The following PTMA variants were observed in gnomAD, a reference collection of about 807,000 sequenced individuals.
PTMA encodes the protein prothymosin alpha, also known as gene sequence 28.
In PTMA, 4 loss-of-function variants were observed where a neutral mutation model predicts 16.9. That is an observed-to-expected ratio of 0.24 (90% CI 0.12 to 0.54). The LOEUF (loss-of-function observed/expected upper bound fraction) is 0.54. Ranked by LOEUF, PTMA falls within the 20% of genes least tolerant of loss-of-function variation. PTMA has a pLI of 0.95. For synonymous variants in PTMA, 58 were observed against 47.9 expected (o/e 1.21, Z -0.87); for missense variants, 120 against 137.7 (o/e 0.87, Z 0.64).
chr2:231,709,097 C>T (rs557032613), intron 1 of PTMA, among the ~76,000 whole-genome samples: 25 of 152,236 alleles, frequency 1.6e-4, no homozygotes, highest in African/African-American at 4.1e-4. Flanking sequence ...GCCCGCCGGG[C>T]GCACGGAAAT....
intron 1 of PTMA, chr2:231,709,897 C>T (rs953021693): frequency 8.4e-6 from 3 of 357,750 alleles, no homozygotes; most frequent in Admixed American, 5.0e-5. Context: ...GGCGTCATCT[C>T]TGACTCTCCC....
At chr2:231,708,776 C>A (rs545054194) in intron 1 of PTMA, 25 bp downstream of exon 1, 1 of 1,598,758 alleles carries the variant, frequency 6.3e-7, no homozygotes, top group Non-Finnish European at 8.5e-7. Flanking sequence ...CGCCCGCCCC[C>A]TCGGGGTCCG....
intron 3 of PTMA, 119 bp downstream of exon 3, chr2:231,712,102 A>G (rs1220016922): frequency 3.3e-6 from 5 of 1,504,828 alleles, no homozygotes; most frequent in African/African-American, 1.4e-5. Flanking sequence ...GGGCCAGTGG[A>G]CCACATGGCC....
intron 1 of PTMA, 34 bp downstream of exon 1, chr2:231,708,785 C>T (rs2048473654): frequency 6.3e-7 from 1 of 1,594,728 alleles, no homozygotes; most frequent in Non-Finnish European, 8.5e-7. Flanking sequence ...CCTCGGGGTC[C>T]GCGCGCCGCC....
chr2:231,711,919 C>G lies in PTMA; in HGVS notation c.147C>G (p.Asp49Glu). The part of the protein sequence containing the change: ...ANEENGEQEA[D>E]NEVDEEEEEG... Reference sequence around the variant, plus strand: ...AGGAAAATGGGGAGCAGGAGGCTGACAATGAGGTAGACGAAGAAGAGGAAG... The same window carrying G: ...AGGAAAATGGGGAGCAGGAGGCTGAGAATGAGGTAGACGAAGAAGAGGAAG... The change falls in exon 3 of 5, where the codon GAC becomes GAG. Residue 49 changes from aspartate (D) to glutamate (E), a missense_variant. Asp to Glu is a conservative substitution (Grantham distance 45). Coordinates refer to ENST00000409115, the MANE Select transcript of PTMA (RefSeq NM_002823.5). The G allele has an allele frequency of 6.2e-7, 1 of 1,608,980 alleles. No individual in the cohort carries two copies. The highest frequency in any genetic ancestry group is 8.5e-7 in the Non-Finnish European group (1 of 1,177,618).
Position 231,712,870 on chromosome 2 carries a change from T to C in PTMA, c.*19T>C, listed in dbSNP as rs1208370468. 1.3e-6 allele frequency: 2 copies of C among 1,546,844 alleles called. No homozygotes were observed. Among genetic ancestry groups the C allele is most frequent in the Non-Finnish European group, 1.7e-6 (2 of 1,148,922 alleles). ...TGACTAGACAGCAAAAAAGGAAAAG[T>C]TAAACTAAAAAAAAAAAGGCCGCCG... On this transcript the variant is annotated 3_prime_UTR_variant, in exon 5 of 5. Coordinates refer to ENST00000409115, the MANE Select transcript of PTMA (RefSeq NM_002823.5).
At position 231,708,835 on chromosome 2, in the gene PTMA, A is replaced by G. The variant is rs964788065; in HGVS notation, c.45+84A>G. ...TGGCGCGCAGCAGCTGGACTGTCTC[A>G]AGCCCGCTGTTGCTCCCTCTCGCGG... On this transcript the variant is annotated intron_variant, in intron 1 of 4. Transcript: ENST00000409115. 45 of 1,486,662 alleles carry G rather than the reference A, an allele frequency of 3.0e-5. No homozygotes were observed. In the Middle Eastern group the frequency reaches 1.1e-3, roughly 38 times the overall value. 92.1% of individuals were successfully genotyped at this position (1,486,662 alleles called of 1,614,324 possible).
chr2:231,709,259 T>A (rs1430581016), intron 1 of PTMA, among the ~76,000 whole-genome samples: 1 of 152,020 alleles, frequency 6.6e-6, no homozygotes, highest in Non-Finnish European at 1.5e-5. Context: ...GCAGCGGACC[T>A]GAGGTGGTTT....
chr2:231,709,194 C>A (rs559418813), intron 1 of PTMA, among the ~76,000 whole-genome samples: 75 of 152,196 alleles, frequency 4.9e-4, no homozygotes, highest in African/African-American at 1.7e-3. Context: ...TGGCGGCGAG[C>A]GCCCGCCGGC....
intron 2 of PTMA, 84 bp downstream of exon 2, chr2:231,711,503 G>A (rs1398816143): frequency 2.4e-6 from 3 of 1,225,118 alleles, no homozygotes; most frequent in East Asian, 4.7e-5. Flanking sequence ...ACCTATATAT[G>A]TGTGTGTATG....
rs768608674 is a variant in PTMA, at chr2:231,712,839, C to T, written c.321C>T (p.Asp107=). The T allele has an allele frequency of 8.2e-6, 13 of 1,582,014 alleles. No individual in the cohort carries two copies. Among genetic ancestry groups the T allele is most frequent in the South Asian group, 8.1e-5 (7 of 86,490 alleles). ...DDVDTKKQKT[D]EDD The stretch of plus-strand genomic sequence containing the variant: ...TCGATACCAAGAAGCAGAAGACCGA[C>T]GAGGATGACTAGACAGCAAAAAAGG... The change falls in exon 5 of 5, where the codon GAC becomes GAT. Residue 107 remains aspartate, a synonymous_variant. Coordinates refer to ENST00000409115, the MANE Select transcript of PTMA (RefSeq NM_002823.5).
intron 1 of PTMA, chr2:231,709,725 G>C (rs1258437529): frequency 6.5e-6 from 1 of 153,410 alleles, no homozygotes; most frequent in Non-Finnish European, 1.5e-5. Context: ...CGCCGCCTCG[G>C]TCCCACTGCC....
intron 1 of PTMA, chr2:231,709,847 G>C (rs566473246): frequency 1.7e-5 from 4 of 231,888 alleles, no homozygotes; most frequent in Non-Finnish European, 3.3e-5. Context: ...GCAGGGATTG[G>C]CGCGAGTCAC....
intron 4 of PTMA, 55 bp from the exon 5 acceptor site, chr2:231,712,749 G>T: frequency 6.4e-7 from 1 of 1,554,404 alleles, no homozygotes. Flanking sequence ...TGAGGCAGTG[G>T]GCTGGATAGG....
At chr2:231,712,654 G>T in intron 4 of PTMA, 138 bp downstream of exon 4, 2 of 1,310,472 alleles carry the variant, frequency 1.5e-6, no homozygotes, top group Non-Finnish European at 1.1e-6. Flanking sequence ...TTAAGAACAG[G>T]AAGGAAACAG....
At chr2:231,712,050 A>G in intron 3 of PTMA, 67 bp downstream of exon 3, 1 of 1,546,662 alleles carries the variant, frequency 6.5e-7, no homozygotes, top group South Asian at 1.2e-5. Flanking sequence ...CAGAAGGGGA[A>G]GGAAGGAATT....
At chr2:231,711,304 C>A in intron 1 of PTMA, 44 bp from the exon 2 acceptor site, 2 of 1,551,240 alleles carry the variant, frequency 1.3e-6, no homozygotes, top group Non-Finnish European at 1.8e-6. Flanking sequence ...CCCTGGGTTG[C>A]TCAGAAGACT....
intron 1 of PTMA, chr2:231,710,349 G>A (rs1279100785): frequency 2.5e-6 from 3 of 1,213,902 alleles, no homozygotes; most frequent in Non-Finnish European, 3.1e-6. Context: ...CCTGCGCGCG[G>A]TGCGTGCCGA....
At chr2:231,709,139 A>C (rs1553551859) in intron 1 of PTMA, among the ~76,000 whole-genome samples, 1 of 152,018 alleles carries the variant, frequency 6.6e-6, no homozygotes, top group Non-Finnish European at 1.5e-5. Flanking sequence ...TGGGAATCGG[A>C]AGTGCTGGGG....
Sources: gnomAD v4.1 joint callset for allele counts (sites outside exome capture counted in the v4.1 genomes callset) on GRCh38, gnomAD v4.1.1 for gene constraint, MANE v1.5 for transcripts, NCBI Gene and HGNC (gene_info 2026-07-23, HGNC 2026-07-21) for gene names.